Variants in PRDM6 observed in about 807,000 individuals in gnomAD.
PRDM6 encodes putative histone-lysine N-methyltransferase PRDM6.
Under a neutral mutation model 60.8 loss-of-function variants are expected in PRDM6, and 25 were observed. The ratio of observed to expected loss-of-function variants is 0.41; its 90% CI spans 0.30 to 0.57. PRDM6 has a LOEUF of 0.57. Ranked by LOEUF, PRDM6 falls within the 20% of genes least tolerant of loss-of-function variation. The pLI is 0.27. For synonymous variants in PRDM6, 407 were observed against 357.4 expected (o/e 1.14, Z -1.57); for missense variants, 839 against 821.3 (o/e 1.02, Z -0.26).
At chr5:123,097,608 C>A (rs1281115703) in intron 2 of PRDM6, among the ~76,000 whole-genome samples, 5 of 152,106 alleles carry the variant, frequency 3.3e-5, no homozygotes, top group Non-Finnish European at 5.9e-5. Context: ...TCATGTAATT[C>A]CCAAAATGTC....
intron 6 of PRDM6, among the ~76,000 whole-genome samples, chr5:123,172,694 A>G (rs1239544229): frequency 6.6e-6 from 1 of 152,216 alleles, no homozygotes; most frequent in Non-Finnish European, 1.5e-5. Flanking sequence ...ATTATTTGCA[A>G]AGGTTCATTA....
At chr5:123,102,773 C>G (rs949804069) in intron 3 of PRDM6, among the ~76,000 whole-genome samples, 1 of 151,992 alleles carries the variant, frequency 6.6e-6, no homozygotes, top group Non-Finnish European at 1.5e-5. Context: ...ATGGATCTTA[C>G]CAGGGTTACT....
Position 123,151,616 on chromosome 5 carries a change from A to T in PRDM6, c.901-4268A>T, listed in dbSNP as rs1237305030. ...GTATAAATGGATGGGGTTGGAACAG[A>T]TGGTCTCTGAGGTCCCTTCCAAATC... is the stretch of plus-strand genomic sequence containing the variant. On this transcript the variant is annotated intron_variant, in intron 3 of 7. Coordinates refer to ENST00000407847, the MANE Select transcript of PRDM6 (RefSeq NM_001136239.4). Among the ~76,000 whole-genome samples, 5 of 152,266 alleles carry T rather than the reference A, an allele frequency of 3.3e-5. No homozygotes were observed. In the East Asian group the frequency reaches 9.7e-4, roughly 29 times the overall value.
chr5:123,100,404 GCAGAAAGGAA>G (rs1303686213), intron 3 of PRDM6, among the ~76,000 whole-genome samples: 1 of 152,212 alleles, frequency 6.6e-6, no homozygotes, highest in Non-Finnish European at 1.5e-5. Flanking sequence ...TGTGTAGTGA[GCAGAAAGGAA>G]CAGAAGCATA....
chr5:123,113,871 G>A (rs530880906), intron 3 of PRDM6, among the ~76,000 whole-genome samples: 39 of 152,278 alleles, frequency 2.6e-4, no homozygotes, highest in African/African-American at 8.7e-4. Flanking sequence ...CCAGGGCCAT[G>A]GGCTTCATAT....
intron 3 of PRDM6, among the ~76,000 whole-genome samples, chr5:123,154,436 A>C (rs1407064831): frequency 6.6e-6 from 1 of 152,206 alleles, no homozygotes. Context: ...TTAACAGATT[A>C]ATGTTTGAAT....
intron 5 of PRDM6, among the ~76,000 whole-genome samples, chr5:123,160,159 C>T (rs1765594674): frequency 6.6e-6 from 1 of 152,226 alleles, no homozygotes; most frequent in African/African-American, 2.4e-5. Flanking sequence ...AGATATGTGA[C>T]TGAGGAATTT....
intron 6 of PRDM6, among the ~76,000 whole-genome samples, chr5:123,176,270 T>TAAAAAAAAA (rs780046640): frequency 4.1e-5 from 5 of 121,348 alleles, no homozygotes; most frequent in African/African-American, 3.1e-5. Context: ...TCTCAAATGG[T>TAAAAAAAAA]AAAAAAAAAA....
rs543628532 is a variant in PRDM6, at chr5:123,090,385, C to T, written c.371C>T (p.Ala124Val). The change falls in exon 2 of 8, where the codon GCC becomes GTC. Residue 124 changes from alanine to valine, a missense_variant. Coordinates refer to ENST00000407847, the MANE Select transcript of PRDM6 (RefSeq NM_001136239.4). ...CTGCCGGTGTTCGCGCCTCTAGCCG[C>T]CGCTGCCGTCGCCGCCGAGCCGCTG... ...SQLPVFAPLA[A>V]AAVAAEPLPP... 2.9e-4 allele frequency: 426 copies of T among 1,464,034 alleles called. 4 individuals are homozygous for T. The South Asian group carries it at 5.2e-3, about 18-fold the overall frequency. 90.7% of individuals were successfully genotyped at this position (1,464,034 alleles called of 1,614,324 possible).
intron 2 of PRDM6, among the ~76,000 whole-genome samples, chr5:123,092,906 TTAATC>T (rs1763875188): frequency 6.6e-6 from 1 of 152,180 alleles, no homozygotes; most frequent in Non-Finnish European, 1.5e-5. Flanking sequence ...GTGATTGAGT[TTAATC>T]TAAGTAGGGG....
At chr5:123,132,255 A>G (rs557050231) in intron 3 of PRDM6, among the ~76,000 whole-genome samples, 1 of 152,288 alleles carries the variant, frequency 6.6e-6, no homozygotes, top group African/African-American at 2.4e-5. Flanking sequence ...CCCATGCATT[A>G]CCACGTGGGG....
At chr5:123,123,793 CT>C (rs1386892838) in intron 3 of PRDM6, among the ~76,000 whole-genome samples, 1 of 152,082 alleles carries the variant, frequency 6.6e-6, no homozygotes, top group African/African-American at 2.4e-5. Context: ...TCTTATCTGG[CT>C]TTTCTGGCTG....
intron 3 of PRDM6, among the ~76,000 whole-genome samples, chr5:123,152,384 G>C (rs189388066): frequency 4.6e-5 from 7 of 152,138 alleles, no homozygotes; most frequent in Admixed American, 2.0e-4. Context: ...CAGAGATCGA[G>C]GACCCATCTT....
chr5:123,111,077 G>A (rs1764302217), intron 3 of PRDM6, among the ~76,000 whole-genome samples: 1 of 152,134 alleles, frequency 6.6e-6, no homozygotes, highest in South Asian at 2.1e-4. Flanking sequence ...TATATTATGT[G>A]TAGGGTTTCA....
At chr5:123,168,587 A>T (rs1765813989) in intron 5 of PRDM6, among the ~76,000 whole-genome samples, 1 of 152,220 alleles carries the variant, frequency 6.6e-6, no homozygotes, top group African/African-American at 2.4e-5. Context: ...GGGAAACTTT[A>T]AAAAATGTAG....
chr5:123,092,003 A>C (rs1763852067), intron 2 of PRDM6, among the ~76,000 whole-genome samples: 1 of 152,158 alleles, frequency 6.6e-6, no homozygotes. Flanking sequence ...ATTATGTTGG[A>C]CATAGCTGTG....
chr5:123,161,780 C>G (rs1249183436), intron 5 of PRDM6, among the ~76,000 whole-genome samples: 3 of 152,178 alleles, frequency 2.0e-5, no homozygotes, highest in African/African-American at 4.8e-5. Context: ...TCTGTGTGAG[C>G]TAGGCAAAGG....
rs559574328 is a variant in PRDM6 at position 123,189,924 on chromosome 5, C to A, written c.*2723C>A. The A allele has an allele frequency of 1.5e-4, 23 of 152,244 alleles. No homozygotes were observed. Among genetic ancestry groups the A allele is most frequent in the African/African-American group, 5.3e-4 (22 of 41,542 alleles). 9.4% of individuals were successfully genotyped at this position (152,244 alleles called of 1,614,324 possible). A position where few individuals can be genotyped will look rare whatever the true frequency, so the allele number is the denominator to read the frequency against. The stretch of plus-strand genomic sequence containing the variant: ...GGAGGAGGTTTCTCTTTGAAACTTC[C>A]TAACAATTGCTTTAGCCTTTTCTAT... On this transcript the variant is annotated 3_prime_UTR_variant, in exon 8 of 8. Transcript: ENST00000407847.
chr5:123,110,716 G>A (rs886853340), intron 3 of PRDM6, among the ~76,000 whole-genome samples: 7 of 151,776 alleles, frequency 4.6e-5, no homozygotes, highest in Non-Finnish European at 7.4e-5. Context: ...ACAGGCATGC[G>A]CTACTAGGCC....
Sources: gnomAD v4.1 joint callset for allele counts (sites outside exome capture counted in the v4.1 genomes callset) on GRCh38, gnomAD v4.1.1 for gene constraint, MANE v1.5 for transcripts, NCBI Gene and HGNC (gene_info 2026-07-23, HGNC 2026-07-21) for gene names.